CPA6: variants seen among roughly 807,000 people sequenced by gnomAD.
CPA6 encodes carboxypeptidase A6, also known as carboxypeptidase B.
In CPA6, 58 loss-of-function variants were observed where a neutral mutation model predicts 63.3. That is an observed-to-expected ratio of 0.92 (90% CI 0.74 to 1.14). The LOEUF (loss-of-function observed/expected upper bound fraction) is 1.14, where lower values mean the gene tolerates loss of function less well. CPA6 is among the 50% of genes most tolerant of loss of function. The pLI is 0.00. For missense variants in CPA6, 565 were observed against 526.6 expected, an observed-to-expected ratio of 1.07 and a Z score of -0.71; for synonymous variants, 185 against 179.0, an observed-to-expected ratio of 1.03 and a Z score of -0.27.
chr8:67,678,525 G>A (rs1411113315), intron 1 of CPA6, among the ~76,000 whole-genome samples: 9 of 152,018 alleles, frequency 5.9e-5, no homozygotes, highest in Admixed American at 5.9e-4. Flanking sequence ...TAACAAAATG[G>A]CACAATGTCA....
At chr8:67,683,786 C>T (rs1045649271) in intron 1 of CPA6, among the ~76,000 whole-genome samples, 4 of 151,670 alleles carry the variant, frequency 2.6e-5, no homozygotes, top group African/African-American at 9.7e-5. Flanking sequence ...CTCTTATTAC[C>T]CAAATTACTG....
intron 3 of CPA6, 37 bp downstream of exon 3, chr8:67,517,886 C>T: frequency 1.3e-6 from 2 of 1,575,600 alleles, no homozygotes; most frequent in Admixed American, 1.8e-5. Context: ...CAGTTTAGTA[C>T]CAATAAATTT....
intron 2 of CPA6, among the ~76,000 whole-genome samples, chr8:67,598,533 C>T (rs374700245): frequency 5.9e-5 from 9 of 152,110 alleles, no homozygotes; most frequent in East Asian, 3.9e-4. Flanking sequence ...AAGTAACAAT[C>T]GCTACTTAAT....
At chr8:67,500,514 A>T (rs1448337429) in intron 6 of CPA6, among the ~76,000 whole-genome samples, 1 of 152,112 alleles carries the variant, frequency 6.6e-6, no homozygotes, top group African/African-American at 2.4e-5. Context: ...TTTCATAGGC[A>T]AAAGTTTAAA....
chr8:67,632,314 G>A (rs1466932224), intron 1 of CPA6, among the ~76,000 whole-genome samples: 1 of 151,864 alleles, frequency 6.6e-6, no homozygotes, highest in Non-Finnish European at 1.5e-5. Flanking sequence ...GGGACTGCAG[G>A]TGAGCACTAC....
At chr8:67,470,673 C>A (rs971150551) in intron 8 of CPA6, among the ~76,000 whole-genome samples, 1 of 151,842 alleles carries the variant, frequency 6.6e-6, no homozygotes, top group Non-Finnish European at 1.5e-5. Context: ...GATAATAAAC[C>A]ATTCTCTGCT....
chr8:67,470,460 G>GTTA (rs948729592), intron 8 of CPA6, among the ~76,000 whole-genome samples: 1 of 152,000 alleles, frequency 6.6e-6, no homozygotes, highest in African/African-American at 2.4e-5. Flanking sequence ...ATAGATAAAT[G>GTTA]TTACACTGTT....
intron 2 of CPA6, among the ~76,000 whole-genome samples, chr8:67,560,635 A>G (rs1346194637): frequency 6.6e-6 from 1 of 152,162 alleles, no homozygotes; most frequent in Non-Finnish European, 1.5e-5. Flanking sequence ...AAGGGGGGAA[A>G]GGGTTGAATT....
At chr8:67,425,767 G>A (rs1433195220) in intron 10 of CPA6, among the ~76,000 whole-genome samples, 2 of 152,152 alleles carry the variant, frequency 1.3e-5, no homozygotes, top group Non-Finnish European at 2.9e-5. Context: ...AATAGGCTGT[G>A]GCTTCAGTGT....
intron 10 of CPA6, among the ~76,000 whole-genome samples, chr8:67,427,303 T>C (rs1177001776): frequency 6.6e-6 from 1 of 152,212 alleles, no homozygotes; most frequent in Admixed American, 6.5e-5. Flanking sequence ...CAGATTTTTT[T>C]GTCCTGTTAT....
At chr8:67,429,607 C>T (rs1229498179) in intron 9 of CPA6, 3 of 152,142 alleles carry the variant, frequency 2.0e-5, no homozygotes, top group Non-Finnish European at 2.9e-5. Flanking sequence ...TGACATTCTT[C>T]TCATGGGAGC....
intron 1 of CPA6, among the ~76,000 whole-genome samples, chr8:67,656,232 A>G (rs193193087): frequency 8.9e-4 from 136 of 152,290 alleles, no homozygotes; most frequent in African/African-American, 3.1e-3. Context: ...CTCATCAACC[A>G]AAGTCGCAAC....
intron 6 of CPA6, among the ~76,000 whole-genome samples, chr8:67,497,833 A>G (rs939517771): frequency 3.9e-5 from 6 of 152,004 alleles, no homozygotes; most frequent in Admixed American, 6.6e-5. Context: ...CTGGGATTAC[A>G]GGCATGCACC....
intron 2 of CPA6, among the ~76,000 whole-genome samples, chr8:67,615,193 A>G (rs115816464): frequency 0.017 from 2,557 of 152,282 alleles, 38 homozygotes; most frequent in African/African-American, 0.035. Flanking sequence ...AGATTTATAC[A>G]GCTAGAAAAA....
chr8:67,630,010 C>T (rs536690541), intron 1 of CPA6, among the ~76,000 whole-genome samples: 2 of 151,872 alleles, frequency 1.3e-5, no homozygotes, highest in African/African-American at 4.8e-5. Context: ...GAGGCTGAGG[C>T]AGGAGAATGG....
At chr8:67,701,676 G>C (rs892428904) in intron 1 of CPA6, among the ~76,000 whole-genome samples, 1 of 152,178 alleles carries the variant, frequency 6.6e-6, no homozygotes, top group Non-Finnish European at 1.5e-5. Context: ...TGTCCTACAA[G>C]AGAAACGCAA....
At chr8:67,637,122 T>TG (rs1267868114) in intron 1 of CPA6, among the ~76,000 whole-genome samples, 1 of 151,694 alleles carries the variant, frequency 6.6e-6, no homozygotes, top group African/African-American at 2.4e-5. Context: ...TGGTGGTTGT[T>TG]GCAGTTAATT....
intron 2 of CPA6, among the ~76,000 whole-genome samples, chr8:67,592,282 C>T (rs1033503703): frequency 4.6e-5 from 7 of 152,026 alleles, no homozygotes; most frequent in Non-Finnish European, 7.4e-5. Flanking sequence ...TGCTGGATTC[C>T]GTTTGCCAGT....
chr8:67,471,512 G>GC (rs1554666171), intron 8 of CPA6, among the ~76,000 whole-genome samples: 1 of 150,216 alleles, frequency 6.7e-6, no homozygotes, highest in Non-Finnish European at 1.5e-5. Flanking sequence ...CATTAGTGTT[G>GC]TTTTTTTTTG....
Sources: gnomAD v4.1 joint callset for allele counts (sites outside exome capture counted in the v4.1 genomes callset) on GRCh38, gnomAD v4.1.1 for gene constraint, MANE v1.5 for transcripts, NCBI Gene and HGNC (gene_info 2026-07-23, HGNC 2026-07-21) for gene names.